DPP6: variants seen among roughly 807,000 people sequenced by gnomAD.
DPP6 encodes the protein A-type potassium channel modulatory protein DPP6.
In DPP6, 69 loss-of-function variants were observed where a neutral mutation model predicts 122.6. The ratio of observed to expected loss-of-function variants is 0.56; its 90% CI spans 0.46 to 0.69. The LOEUF (loss-of-function observed/expected upper bound fraction) is 0.69. Ranked by LOEUF, DPP6 falls within the 30% of genes least tolerant of loss-of-function variation. The probability of loss-of-function intolerance (pLI) is 0.00; values close to 1 mark genes in which losing one functional copy is unlikely to be tolerated. For missense variants in DPP6, 928 were observed against 1,116.9 expected (o/e 0.83, Z 2.41); for synonymous variants, 418 against 433.1 (o/e 0.97, Z 0.43).
chr7:154,020,368 TA>T (rs1157726204), intron 1 of DPP6, among the ~76,000 whole-genome samples: 2 of 151,072 alleles, frequency 1.3e-5, no homozygotes, highest in Non-Finnish European at 2.9e-5. Context: ...AGGGGAAGAA[TA>T]AACGGTTGGA....
chr7:154,101,667 C>A (rs1055412995), intron 1 of DPP6, among the ~76,000 whole-genome samples: 25 of 152,046 alleles, frequency 1.6e-4, no homozygotes, highest in African/African-American at 5.3e-4. Context: ...GTGGCTCATG[C>A]CTGTAATCCC....
At chr7:154,867,175 T>G (rs545450943) in intron 17 of DPP6, among the ~76,000 whole-genome samples, 1 of 152,178 alleles carries the variant, frequency 6.6e-6, no homozygotes, top group Non-Finnish European at 1.5e-5. Flanking sequence ...TATCCCCATG[T>G]GTAGGCTTAG....
intron 16 of DPP6, among the ~76,000 whole-genome samples, chr7:154,835,249 CG>C (rs1461794878): frequency 6.6e-6 from 1 of 152,118 alleles, no homozygotes; most frequent in African/African-American, 2.4e-5. Flanking sequence ...GAGACAGACA[CG>C]GGAGGCAGAC....
chr7:153,810,663 C>T, the DPP6 span, among the ~76,000 whole-genome samples: 1 of 140,154 alleles, frequency 7.1e-6, no homozygotes, highest in African/African-American at 2.7e-5. Flanking sequence ...TCCCTCTCCT[C>T]TCTCTCTCCT....
chr7:154,283,473 A>G (rs1804659364), intron 1 of DPP6, among the ~76,000 whole-genome samples: 1 of 152,226 alleles, frequency 6.6e-6, no homozygotes, highest in Non-Finnish European at 1.5e-5. Context: ...CATTATCATC[A>G]TCATCATCAA....
chr7:154,724,853 A>T (rs1286952664), intron 7 of DPP6, among the ~76,000 whole-genome samples: 3 of 152,180 alleles, frequency 2.0e-5, no homozygotes, highest in African/African-American at 7.2e-5. Flanking sequence ...GATGGTGGTG[A>T]TGGTTGCACA....
At chr7:153,989,354 TG>T (rs535524571) in intron 1 of DPP6, among the ~76,000 whole-genome samples, 1 of 150,548 alleles carries the variant, frequency 6.6e-6, no homozygotes, top group African/African-American at 2.4e-5. Flanking sequence ...TGTGTGAGTG[TG>T]GGGGAGTGAG....
intron 6 of DPP6, among the ~76,000 whole-genome samples, chr7:154,641,357 C>T (rs949393461): frequency 3.9e-5 from 6 of 152,114 alleles, no homozygotes; most frequent in Non-Finnish European, 5.9e-5. Context: ...TATATTTTAG[C>T]GGAACTAAAG....
At chr7:154,262,418 C>G (rs998203477) in intron 1 of DPP6, among the ~76,000 whole-genome samples, 1 of 152,046 alleles carries the variant, frequency 6.6e-6, no homozygotes, top group Non-Finnish European at 1.5e-5. Flanking sequence ...CAGTGAGACA[C>G]CAGGAATGCA....
chr7:154,196,455 A>T (rs555408494), intron 1 of DPP6, among the ~76,000 whole-genome samples: 2 of 152,326 alleles, frequency 1.3e-5, no homozygotes, highest in African/African-American at 4.8e-5. Flanking sequence ...GTGCCGCTGC[A>T]CTCCAGCCTG....
chr7:154,773,034 C>A, intron 10 of DPP6, 92 bp downstream of exon 10: 1 of 1,367,432 alleles, frequency 7.3e-7, no homozygotes, highest in Non-Finnish European at 9.5e-7. Context: ...ATTTATCTTA[C>A]AACAAGTTTA....
chr7:154,372,823 G>A (rs1411561791), intron 1 of DPP6, among the ~76,000 whole-genome samples: 2 of 152,182 alleles, frequency 1.3e-5, no homozygotes, highest in Non-Finnish European at 2.9e-5. Context: ...GGCATACAGG[G>A]GTTAGAGTGC....
At chr7:154,815,312 C>A (rs1799350035) in intron 16 of DPP6, among the ~76,000 whole-genome samples, 1 of 152,188 alleles carries the variant, frequency 6.6e-6, no homozygotes, top group South Asian at 2.1e-4. Context: ...AATACTTCTT[C>A]CCTGTCATAA....
chr7:154,023,123 A>G (rs1798785592), intron 1 of DPP6, among the ~76,000 whole-genome samples: 1 of 151,804 alleles, frequency 6.6e-6, no homozygotes, highest in Non-Finnish European at 1.5e-5. Context: ...CCATGAATGT[A>G]CCTTTAGTGA....
At chr7:154,290,561 G>A (rs185341661) in intron 1 of DPP6, among the ~76,000 whole-genome samples, 1 of 151,798 alleles carries the variant, frequency 6.6e-6, no homozygotes, top group East Asian at 1.9e-4. Context: ...AGAATCCCTT[G>A]GACCCGGGAG....
At chr7:154,636,356 C>T (rs997010478) in intron 5 of DPP6, among the ~76,000 whole-genome samples, 1 of 152,196 alleles carries the variant, frequency 6.6e-6, no homozygotes, top group Admixed American at 6.5e-5. Context: ...GTGACCTGCT[C>T]AGGACACAGG....
At chr7:154,459,199 G>A (rs1350352402) in intron 2 of DPP6, among the ~76,000 whole-genome samples, 2 of 148,322 alleles carry the variant, frequency 1.3e-5, no homozygotes, top group South Asian at 4.2e-4. Context: ...GACAGATAAT[G>A]ATAATTTCTG....
chr7:154,448,633 A>G (rs1403402176), intron 2 of DPP6, among the ~76,000 whole-genome samples: 1 of 152,220 alleles, frequency 6.6e-6, no homozygotes, highest in Non-Finnish European at 1.5e-5. Context: ...ATCTCAAAAA[A>G]CAATTCAAAG....
At chr7:153,887,146 C>T (rs1416173687) in exon 1 of DPP6, 2 of 152,678 alleles carry the variant, frequency 1.3e-5, no homozygotes, top group Non-Finnish European at 2.9e-5. Flanking sequence ...ACACGCCTCC[C>T]CTGGCGTCGC....
Sources: gnomAD v4.1 joint callset for allele counts (sites outside exome capture counted in the v4.1 genomes callset) on GRCh38, gnomAD v4.1.1 for gene constraint, MANE v1.5 for transcripts, NCBI Gene and HGNC (gene_info 2026-07-23, HGNC 2026-07-21) for gene names.